The following PHF21B variants were observed in gnomAD, a reference collection of about 807,000 sequenced individuals.
PHF21B encodes PHD finger protein 4.
PHF21B carries 22 observed loss-of-function variants against 62.2 expected under a neutral mutation model. The observed-to-expected ratio is 0.35, with a 90% CI of 0.25 to 0.51. The LOEUF (loss-of-function observed/expected upper bound fraction) is 0.51, where lower values mean the gene tolerates loss of function less well. PHF21B is among the 20% of genes least tolerant of loss of function. PHF21B has a pLI of 0.97. For missense variants in PHF21B, 701 were observed against 707.9 expected, an observed-to-expected ratio of 0.99 and a Z score of 0.11; for synonymous variants, 341 against 314.7, an observed-to-expected ratio of 1.08 and a Z score of -0.88.
intron 2 of PHF21B, among the ~76,000 whole-genome samples, chr22:44,925,742 C>T (rs927126601): frequency 1.3e-5 from 2 of 152,162 alleles, no homozygotes; most frequent in African/African-American, 2.4e-5. Context: ...GCCCGCCTCC[C>T]CTAATGCATG....
intron 2 of PHF21B, among the ~76,000 whole-genome samples, chr22:44,992,146 T>C (rs1057418062): frequency 2.6e-5 from 4 of 152,236 alleles, no homozygotes; most frequent in African/African-American, 9.6e-5. Context: ...TCAGCAGAAA[T>C]TCAGTTCTGT....
intron 5 of PHF21B, among the ~76,000 whole-genome samples, chr22:44,898,638 A>T (rs1387543190): frequency 6.6e-6 from 1 of 152,224 alleles, no homozygotes; most frequent in African/African-American, 2.4e-5. Flanking sequence ...AAAATGCATC[A>T]ATTTTTAATT....
intron 2 of PHF21B, among the ~76,000 whole-genome samples, chr22:45,002,557 C>T (rs1370185915): frequency 2.0e-5 from 3 of 152,220 alleles, no homozygotes; most frequent in South Asian, 2.1e-4. Flanking sequence ...CTCCCCACAA[C>T]GATGGGGCCT....
chr22:44,999,810 C>T lies in PHF21B; in HGVS notation c.120+8735G>A, dbSNP rs188099715. On this transcript the variant is annotated intron_variant, in intron 2 of 12. Coordinates refer to ENST00000313237, the MANE Select transcript of PHF21B (RefSeq NM_138415.5). ...AACAAGGCCCCCAACCTCTCTGGGC[C>T]GAGCCAGTCCACAGAGAGAACCAGA... Among the ~76,000 whole-genome samples the T allele has an allele frequency of 1.4e-4, 22 of 152,170 alleles. No individual in the cohort carries two copies. The East Asian group carries it at 2.9e-3, about 20-fold the overall frequency.
chr22:44,916,754 G>T (rs765730498), intron 3 of PHF21B, 124 bp from the exon 4 acceptor site: 17 of 848,508 alleles, frequency 2.0e-5, no homozygotes, highest in Middle Eastern at 3.3e-4. Flanking sequence ...AGAGCACAGC[G>T]CCTGTCACGG....
chr22:44,902,391 T>C, intron 5 of PHF21B: 2 of 300,796 alleles, frequency 6.6e-6, no homozygotes, highest in Admixed American at 3.6e-5. Context: ...GTGTTTGCCC[T>C]GATGAGTGGA....
At chr22:44,918,504 GC>G (rs2071479121) in intron 3 of PHF21B, among the ~76,000 whole-genome samples, 1 of 152,190 alleles carries the variant, frequency 6.6e-6, no homozygotes, top group South Asian at 2.1e-4. Context: ...CCTGTATGCA[GC>G]CCCAGGCCGG....
At position 44,883,576 on chromosome 22, in the gene PHF21B, C is replaced by G. The variant is rs12628013; in HGVS notation, c.1378-272G>C. ...GGCTGTGATGTGACCTCCTCCTCCC[C>G]GCTAGCTGCCCACACTCTTCCTCCT... On this transcript the variant is annotated intron_variant, in intron 12 of 12. Coordinates refer to ENST00000313237, the MANE Select transcript of PHF21B (RefSeq NM_138415.5). 4.1e-3 allele frequency among the ~76,000 whole-genome samples: 618 copies of G among 152,200 alleles called. 7 individuals carry two copies. In the East Asian group the frequency reaches 0.042, roughly 10 times the overall value.
At chr22:44,960,980 G>A (rs1014830628) in intron 2 of PHF21B, among the ~76,000 whole-genome samples, 5 of 115,698 alleles carry the variant, frequency 4.3e-5, no homozygotes, top group Non-Finnish European at 7.5e-5. Context: ...TTTTTGAGAA[G>A]GAGTCTCATT....
intron 6 of PHF21B, among the ~76,000 whole-genome samples, chr22:44,893,899 T>C (rs1601571701): frequency 1.3e-5 from 2 of 152,358 alleles, no homozygotes; most frequent in East Asian, 3.9e-4. Flanking sequence ...ACTGGTCCAG[T>C]GAGCTGCAGG....
rs1308042968 is a variant in PHF21B at position 44,913,902 on chromosome 22, G to A, written c.751C>T (p.Pro251Ser). Residue 251 changes from proline (P) to serine (S), a missense_variant, in exon 5 of 13, where the codon CCC (proline) becomes TCC (serine). Physicochemically the swap from Pro to Ser is moderately conservative, Grantham distance 74. Coordinates refer to ENST00000313237, the MANE Select transcript of PHF21B (RefSeq NM_138415.5). ...GCTCCCTGAGATGGCTCCTCTGTGGGCGGCCGCGACTCTGCCGTGCTCTCG... is the reference window on the plus strand; with the variant it reads ...GCTCCCTGAGATGGCTCCTCTGTGGACGGCCGCGACTCTGCCGTGCTCTCG... Reference protein sequence around the residue: ...QPESTAESRPPTEEPSQGAQA... With the variant: ...QPESTAESRPSTEEPSQGAQA... The A allele has an allele frequency of 1.2e-6, 2 of 1,613,842 alleles. No homozygotes were observed. The highest frequency in any genetic ancestry group is 4.5e-5 in the East Asian group (2 of 44,856).
chr22:44,958,988 G>C (rs2072362132), intron 2 of PHF21B, among the ~76,000 whole-genome samples: 1 of 151,934 alleles, frequency 6.6e-6, no homozygotes, highest in Non-Finnish European at 1.5e-5. Flanking sequence ...AATGTCTCCT[G>C]CTGGTTCCAT....
At chr22:44,930,088 A>G (rs1002745543) in intron 2 of PHF21B, among the ~76,000 whole-genome samples, 1 of 152,218 alleles carries the variant, frequency 6.6e-6, no homozygotes, top group Non-Finnish European at 1.5e-5. Context: ...AGTGTGGAAG[A>G]CACCCCTCGG....
chr22:44,891,646 G>GATGT (rs2070968024), intron 7 of PHF21B, among the ~76,000 whole-genome samples: 3 of 152,202 alleles, frequency 2.0e-5, no homozygotes, highest in African/African-American at 7.2e-5. Context: ...AGCTCAGGAA[G>GATGT]GGCCGTCAGT....
intron 2 of PHF21B, among the ~76,000 whole-genome samples, chr22:44,958,598 A>ATTTTTTTTTTTTTTTTTTTT (rs59943293): frequency 2.6e-5 from 2 of 75,886 alleles, no homozygotes; most frequent in East Asian, 4.8e-4. Context: ...CCTTCCTTTG[A>ATTTTTTTTTTTTTTTTTTTT]TTTTTTTTTT....
chr22:45,000,220 G>A (rs917117819), intron 2 of PHF21B, among the ~76,000 whole-genome samples: 1 of 152,080 alleles, frequency 6.6e-6, no homozygotes, highest in African/African-American at 2.4e-5. Flanking sequence ...AACAGTACTC[G>A]GGAGGGAAAT....
chr22:44,986,884 G>A (rs1376362824), intron 2 of PHF21B, among the ~76,000 whole-genome samples: 1 of 151,844 alleles, frequency 6.6e-6, no homozygotes, highest in Non-Finnish European at 1.5e-5. Flanking sequence ...GGTACAGGTG[G>A]GGTCCTGGAG....
intron 2 of PHF21B, among the ~76,000 whole-genome samples, chr22:44,935,153 A>G (rs901213804): frequency 7.2e-5 from 11 of 152,140 alleles, no homozygotes; most frequent in African/African-American, 2.7e-4. Flanking sequence ...ACCTGCGTCT[A>G]ACTGGAAGCT....
At chr22:44,899,160 G>C (rs1016423441) in intron 5 of PHF21B, among the ~76,000 whole-genome samples, 1 of 152,106 alleles carries the variant, frequency 6.6e-6, no homozygotes, top group Non-Finnish European at 1.5e-5. Context: ...AAGCTCTGAG[G>C]ATGAGGGAAT....
Sources: gnomAD v4.1 joint callset for allele counts (sites outside exome capture counted in the v4.1 genomes callset) on GRCh38, gnomAD v4.1.1 for gene constraint, MANE v1.5 for transcripts, NCBI Gene and HGNC (gene_info 2026-07-23, HGNC 2026-07-21) for gene names.